OSBPL10: variants seen among roughly 807,000 people sequenced by gnomAD.
OSBPL10 encodes the protein oxysterol binding protein like 10, also known as oxysterol-binding protein-related protein 10.
Under a neutral mutation model 81.7 loss-of-function variants are expected in OSBPL10, and 49 were observed. The observed-to-expected ratio is 0.60, with a 90% CI of 0.48 to 0.76. The LOEUF (loss-of-function observed/expected upper bound fraction) is 0.76. OSBPL10 is among the 30% of genes least tolerant of loss of function. OSBPL10 has a pLI of 0.00. For synonymous variants in OSBPL10, 419 were observed against 383.6 expected, an observed-to-expected ratio of 1.09 and a Z score of -1.08; for missense variants, 923 against 987.8, an observed-to-expected ratio of 0.93 and a Z score of 0.88.
intron 8 of OSBPL10, among the ~76,000 whole-genome samples, chr3:31,678,058 G>A (rs1274078396): frequency 2.1e-5 from 3 of 141,090 alleles, no homozygotes; most frequent in Non-Finnish European, 4.5e-5. Flanking sequence ...TCCGCAGTCC[G>A]GCCTGGGCGA....
At chr3:31,680,798 G>A (rs965846561) in intron 8 of OSBPL10, among the ~76,000 whole-genome samples, 11 of 152,126 alleles carry the variant, frequency 7.2e-5, no homozygotes, top group Admixed American at 5.9e-4. Flanking sequence ...TGCCCTTTCA[G>A]CTACAAGATT....
At chr3:31,875,186 G>C (rs1035217598) in intron 3 of OSBPL10, among the ~76,000 whole-genome samples, 3 of 149,872 alleles carry the variant, frequency 2.0e-5, no homozygotes, top group Admixed American at 6.7e-5. Context: ...CACATACCAA[G>C]ATATACTAAA....
At chr3:32,051,977 G>A (rs1206612717) in intron 1 of OSBPL10, among the ~76,000 whole-genome samples, 1 of 152,182 alleles carries the variant, frequency 6.6e-6, no homozygotes, top group East Asian at 1.9e-4. Context: ...GCCGGGTGCA[G>A]TGGCTCATGC....
chr3:31,842,782 T>C (rs1700530860), intron 3 of OSBPL10, among the ~76,000 whole-genome samples: 1 of 152,190 alleles, frequency 6.6e-6, no homozygotes, highest in East Asian at 1.9e-4. Context: ...ACTTTAAGTC[T>C]AACGGATCAA....
At chr3:31,737,874 C>T (rs1265957239) in intron 5 of OSBPL10, among the ~76,000 whole-genome samples, 1 of 152,028 alleles carries the variant, frequency 6.6e-6, no homozygotes, top group Non-Finnish European at 1.5e-5. Context: ...CACCTGTAAT[C>T]CCAGCTACTC....
At chr3:31,822,569 T>C (rs1437070367) in intron 4 of OSBPL10, among the ~76,000 whole-genome samples, 9 of 152,102 alleles carry the variant, frequency 5.9e-5, no homozygotes, top group Admixed American at 3.3e-4. Context: ...CTTGTGTCTA[T>C]TGAAGTAAGT....
intron 6 of OSBPL10, among the ~76,000 whole-genome samples, chr3:31,725,430 A>C (rs6784649): frequency 5.8e-4 from 89 of 152,208 alleles, no homozygotes; most frequent in African/African-American, 2.1e-3. Flanking sequence ...AAAAGAAAAA[A>C]CCCGGATGAT....
chr3:31,960,473 G>A (rs1200964454), intron 1 of OSBPL10: 1 of 152,170 alleles, frequency 6.6e-6, no homozygotes, highest in Admixed American at 6.5e-5. Flanking sequence ...TGCAATAGGG[G>A]AACCAGTTTA....
At chr3:31,767,703 C>T (rs754890775) in intron 4 of OSBPL10, among the ~76,000 whole-genome samples, 1 of 152,164 alleles carries the variant, frequency 6.6e-6, no homozygotes, top group Non-Finnish European at 1.5e-5. Context: ...CAAGGTGACC[C>T]TAATTAAGTG....
intron 4 of OSBPL10, among the ~76,000 whole-genome samples, chr3:31,829,634 G>A (rs1456528262): frequency 6.6e-6 from 1 of 152,154 alleles, no homozygotes; most frequent in African/African-American, 2.4e-5. Context: ...AGGAGAGAAA[G>A]AAAGTGAAGC....
At chr3:31,809,770 G>A (rs1307371062) in intron 4 of OSBPL10, among the ~76,000 whole-genome samples, 5 of 151,878 alleles carry the variant, frequency 3.3e-5, no homozygotes, top group Non-Finnish European at 7.4e-5. Flanking sequence ...TGCAACTTAG[G>A]TAGCACTGCC....
intron 1 of OSBPL10, among the ~76,000 whole-genome samples, chr3:32,052,167 A>G (rs1699674612): frequency 6.6e-6 from 1 of 151,678 alleles, no homozygotes; most frequent in South Asian, 2.1e-4. Context: ...GGATCACTTG[A>G]GCCTGGGAGG....
intron 1 of OSBPL10, among the ~76,000 whole-genome samples, chr3:32,074,396 C>T (rs1265571371): frequency 6.6e-6 from 1 of 152,172 alleles, no homozygotes; most frequent in Non-Finnish European, 1.5e-5. Context: ...CTTTAGGCAA[C>T]CTTCCACTGT....
intron 1 of OSBPL10, among the ~76,000 whole-genome samples, chr3:31,963,899 G>A (rs991399161): frequency 7.9e-5 from 12 of 151,360 alleles, no homozygotes; most frequent in African/African-American, 2.4e-4. Context: ...TCAGCCTCCC[G>A]AGTAGCTGGG....
chr3:31,821,120 T>C (rs1699974620), intron 4 of OSBPL10, among the ~76,000 whole-genome samples: 2 of 152,052 alleles, frequency 1.3e-5, no homozygotes, highest in Admixed American at 6.6e-5. Flanking sequence ...CACCCAGCCA[T>C]GCCGTGCTCC....
chr3:31,726,523 C>A (rs1232634259), intron 6 of OSBPL10, among the ~76,000 whole-genome samples: 2 of 151,918 alleles, frequency 1.3e-5, no homozygotes, highest in Non-Finnish European at 2.9e-5. Flanking sequence ...ACCATGTTGG[C>A]CAGGACGGTC....
intron 1 of OSBPL10, among the ~76,000 whole-genome samples, chr3:31,881,542 AC>A (rs1255987033): frequency 1.3e-4 from 20 of 152,300 alleles, no homozygotes; most frequent in African/African-American, 4.3e-4. Context: ...TTAAAAAAAA[AC>A]ATCAACGTAG....
chr3:31,783,932 A>T (rs1698792703), intron 4 of OSBPL10, among the ~76,000 whole-genome samples: 1 of 147,948 alleles, frequency 6.8e-6, no homozygotes, highest in South Asian at 2.1e-4. Flanking sequence ...TTTACTGCAG[A>T]AAAAGTACAT....
intron 4 of OSBPL10, among the ~76,000 whole-genome samples, chr3:31,828,133 T>C (rs1412280853): frequency 6.6e-6 from 1 of 152,226 alleles, no homozygotes; most frequent in Non-Finnish European, 1.5e-5. Context: ...GGTTATGGTC[T>C]CAAATTACTT....
Sources: allele counts gnomAD v4.1 joint callset (sites outside exome capture counted in the v4.1 genomes callset), GRCh38; gene constraint gnomAD v4.1.1; transcripts MANE v1.5; gene names NCBI Gene and HGNC (gene_info 2026-07-23, HGNC 2026-07-21).